The following SUN1 variants were observed in gnomAD, a reference collection of about 807,000 sequenced individuals.
The protein encoded by SUN1 is SUN domain-containing protein 1.
SUN1 carries 61 observed loss-of-function variants against 103.2 expected under a neutral mutation model. The observed-to-expected ratio is 0.59, with a 90% confidence interval of 0.48 to 0.73. The LOEUF is 0.73. Ranked by LOEUF, SUN1 falls within the 30% of genes least tolerant of loss-of-function variation. The pLI is 0.00. For synonymous variants in SUN1, 490 were observed against 425.7 expected (o/e 1.15, Z -1.86); for missense variants, 1,052 against 1,034.6 (o/e 1.02, Z -0.23).
upstream of SUN1, among the ~76,000 whole-genome samples, chr7:828,658 T>C (rs1584089818): frequency 2.0e-5 from 3 of 152,340 alleles, no homozygotes; most frequent in Middle Eastern, 6.8e-3. Context: ...TTTTCCTGTT[T>C]TTGTGAGCTT....
chr7:816,116 T>TTCCCCCAGATGCAGACCCC (rs1780324520), upstream of SUN1: 1 of 169,866 alleles, frequency 5.9e-6, no homozygotes, highest in Admixed American at 1.2e-4. Context: ...ATGCAGACCC[T>TTCCCCCAGATGCAGACCCC]TCCCCCAGAT....
chr7:847,478 G>A (rs1321404425), intron 5 of SUN1, among the ~76,000 whole-genome samples: 1 of 113,786 alleles, frequency 8.8e-6, no homozygotes, highest in Admixed American at 8.4e-5. Flanking sequence ...GGGGTCCCCT[G>A]GGGGTTACCC....
At chr7:832,058 C>G (rs1345075967), upstream of SUN1, 2 of 988,866 alleles carry the variant, frequency 2.0e-6, no homozygotes, top group Non-Finnish European at 2.4e-6. Context: ...AGAGCTTCAG[C>G]CATCTAGGAA....
rs969444481 is a variant in SUN1, at chr7:852,291, A to G, written c.851+248A>G. The G allele has an allele frequency of 8.4e-6, 5 of 595,728 alleles. No homozygotes were observed. The Admixed American group carries it at 1.2e-4, about 14-fold the overall frequency. 36.9% of individuals were successfully genotyped at this position (595,728 alleles called of 1,614,324 possible). On this transcript the variant is annotated intron_variant, in intron 7 of 18. Transcript: ENST00000401592. ...TGGGAGGGCCTGGGCAGGATGGGGG[A>G]CCCAGGTCCAGGCTTCTGCCCTGCT...
rs1271346314 is a variant in SUN1 at position 841,906 on chromosome 7, A to G, written c.267-40A>G. 8 of 1,598,316 alleles carry G rather than the reference A, an allele frequency of 5.0e-6. No homozygotes were observed. In the South Asian group the frequency reaches 6.7e-5, roughly 13 times the overall value. On this transcript the variant is annotated intron_variant, in intron 2 of 18. Coordinates refer to ENST00000401592, the MANE Select transcript of SUN1 (RefSeq NM_001130965.3). The stretch of plus-strand genomic sequence containing the variant: ...CAAATGTAATCATTTTGTATTTGCT[A>G]GAAAAGATCTATAAACTTGCTGTTT...
chr7:851,832 C>A (rs984092137), intron 6 of SUN1, 118 bp from the exon 7 acceptor site: 2 of 1,081,338 alleles, frequency 1.8e-6, no homozygotes, highest in Non-Finnish European at 1.4e-6. Flanking sequence ...CACCGAACTT[C>A]TTCACCTCCA....
intron 5 of SUN1, chr7:850,274 C>T (rs1820639032): frequency 6.3e-6 from 3 of 475,786 alleles, no homozygotes; most frequent in Admixed American, 7.4e-5. Context: ...TCTTGGCTCA[C>T]TGCAGCCTCC....
chr7:854,415 A>G (rs934433210), intron 10 of SUN1, among the ~76,000 whole-genome samples: 6 of 152,270 alleles, frequency 3.9e-5, no homozygotes, highest in African/African-American at 1.4e-4. Context: ...CATCAACACC[A>G]CACAGAATTT....
intron 5 of SUN1, chr7:850,043 C>T (rs773144828): frequency 1.9e-6 from 3 of 1,565,910 alleles, no homozygotes; most frequent in African/African-American, 1.4e-5. Flanking sequence ...GGTTGTCTCT[C>T]GCCCCGTCTC....
chr7:859,195 T>C (rs1466013400), intron 13 of SUN1, among the ~76,000 whole-genome samples: 1 of 151,708 alleles, frequency 6.6e-6, no homozygotes, highest in South Asian at 2.1e-4. Flanking sequence ...GTCACCGTGC[T>C]ATCAGGGAGC....
Position 851,413 on chromosome 7 carries a change from A to G in SUN1, c.688A>G (p.Ile230Val), listed in dbSNP as rs1183797348. 6.2e-7 allele frequency: 1 copy of G among 1,609,170 alleles called. No individual in the cohort carries two copies. The highest frequency in any genetic ancestry group is 8.5e-7 in the Non-Finnish European group (1 of 1,177,868). Residue 230 changes from isoleucine to valine, a missense_variant, in exon 6 of 19, where the codon ATC becomes GTC. Ile to Val is a conservative substitution (Grantham distance 29). This residue lies in a region of SUN1 where 846 missense variants were observed against 774.5 expected (regional missense o/e 1.09). Coordinates refer to ENST00000401592, the MANE Select transcript of SUN1 (RefSeq NM_001130965.3). ...CTTCTTGCTGCAGATTCTGCGCAGGATCGGAGCTGTGGGCCAGGCTGTGTC... is the reference window on the plus strand; with the variant it reads ...CTTCTTGCTGCAGATTCTGCGCAGGGTCGGAGCTGTGGGCCAGGCTGTGTC... Reference protein sequence around the residue: ...CYFLLQILRRIGAVGQAVSRT... With the variant: ...CYFLLQILRRVGAVGQAVSRT...
Position 873,863 on chromosome 7 carries a change from GA to G in SUN1, c.*535del, listed in dbSNP as rs1351498252. On this transcript the variant is annotated 3_prime_UTR_variant, in exon 19 of 19. Coordinates refer to ENST00000401592, the MANE Select transcript of SUN1 (RefSeq NM_001130965.3). ...AGTAGGTACTAAGTCTCCAGATGGG[GA>G]AATAACTAAAATGTGTTTTTCTGCT... The G allele has an allele frequency of 1.3e-5, 2 of 152,832 alleles. No homozygotes were observed. Among genetic ancestry groups the G allele is most frequent in the Non-Finnish European group, 2.9e-5 (2 of 68,226 alleles). The allele number at this position is 152,832 out of a possible 1,614,324, so 9.5% of individuals were successfully genotyped here.
Position 842,070 on chromosome 7 carries a change from C to T in SUN1, c.391C>T (p.Arg131Trp), listed in dbSNP as rs745922989. The change falls in exon 3 of 19, where the codon CGG (arginine) becomes TGG (tryptophan). Residue 131 changes from arginine (R) to tryptophan (W), a missense_variant. By Grantham distance (101) the Arg-to-Trp change is moderately radical. This residue lies in a region of SUN1 where 846 missense variants were observed against 774.5 expected (regional missense o/e 1.09). Transcript: ENST00000401592. ...TVSLQDAVTR[R>W]PPVLDESWIR... Reference sequence around the variant, plus strand: ...CAGCCTGCAGGATGCTGTGACTCGACGGCCTCCTGTATTGGACGAGTCTTG... The same window carrying T: ...CAGCCTGCAGGATGCTGTGACTCGATGGCCTCCTGTATTGGACGAGTCTTG... 1.2e-5 allele frequency: 20 copies of T among 1,614,098 alleles called. No individual in the cohort carries two copies. Among genetic ancestry groups the T allele is most frequent in the African/African-American group, 5.3e-5 (4 of 74,910 alleles).
intron 14 of SUN1, 23 bp downstream of exon 14, chr7:860,405 A>G (rs1200785513): frequency 4.4e-6 from 7 of 1,608,388 alleles, no homozygotes; most frequent in African/African-American, 4.0e-5. Context: ...GTCGGCGGCA[A>G]GAGATGCTTA....
At chr7:834,184 T>C (rs1335588833) in intron 1 of SUN1, among the ~76,000 whole-genome samples, 1 of 148,856 alleles carries the variant, frequency 6.7e-6, no homozygotes, top group Non-Finnish European at 1.5e-5. Context: ...TGGTGTAGGC[T>C]GGGCTGGGAA....
At chr7:868,143 T>A (rs1274010682) in intron 16 of SUN1, among the ~76,000 whole-genome samples, 1 of 152,234 alleles carries the variant, frequency 6.6e-6, no homozygotes, top group Non-Finnish European at 1.5e-5. Flanking sequence ...CCATCTCTTC[T>A]AAACACGAAT....
Position 842,059 on chromosome 7 carries a change from C to CTG in SUN1, c.383_384dup (p.Thr129Ter), listed in dbSNP as rs1171202008. The CTG allele has an allele frequency of 6.2e-7, 1 of 1,614,126 alleles. No homozygotes were observed. The highest frequency in any genetic ancestry group is 1.3e-5 in the African/African-American group (1 of 74,940). ...GGCGGCACTGTCAGCCTGCAGGATGCTGTGACTCGACGGCCTCCTGTATTG... is the reference window on the plus strand; with the variant it reads ...GGCGGCACTGTCAGCCTGCAGGATGCTGTGTGACTCGACGGCCTCCTGTATTG... On this transcript the variant is annotated frameshift_variant, in exon 3 of 19. Coordinates refer to ENST00000401592, the MANE Select transcript of SUN1 (RefSeq NM_001130965.3). LOFTEE classifies it high-confidence loss of function.
At chr7:864,603 T>C (rs891251868) in intron 15 of SUN1, among the ~76,000 whole-genome samples, 7 of 151,330 alleles carry the variant, frequency 4.6e-5, no homozygotes, top group Non-Finnish European at 7.4e-5. Context: ...AGTCACCCTG[T>C]TCTGCTATCA....
At chr7:820,065 C>T (rs1562464500) in intron 1 of SUN1, among the ~76,000 whole-genome samples, 1 of 152,170 alleles carries the variant, frequency 6.6e-6, no homozygotes, top group Admixed American at 6.5e-5. Context: ...GGACCCATTG[C>T]AGTTCCATAT....
Sources: gnomAD v4.1 joint callset for allele counts (sites outside exome capture counted in the v4.1 genomes callset) on GRCh38, gnomAD v4.1.1 for gene constraint, gnomAD v4.1.1 regional missense constraint, MANE v1.5 for transcripts, NCBI Gene and HGNC (gene_info 2026-07-23, HGNC 2026-07-21) for gene names.